Variants in STK3 observed in about 807,000 individuals in gnomAD.
STK3 encodes the protein serine/threonine-protein kinase 3.
STK3 carries 41 observed loss-of-function variants against 58.0 expected under a neutral mutation model. The observed-to-expected ratio is 0.71, with a 90% CI of 0.55 to 0.92. The LOEUF is 0.92. Among genes scored for constraint, STK3 ranks in the 40% least tolerant of loss-of-function variants. The pLI, the probability that STK3 is intolerant of heterozygous loss-of-function variation, is 0.00. For missense variants in STK3, 479 were observed against 602.7 expected (o/e 0.79, Z 2.15); for synonymous variants, 170 against 191.0 (o/e 0.89, Z 0.91).
intron 4 of STK3, among the ~76,000 whole-genome samples, chr8:98,734,589 T>C (rs1828434220): frequency 6.6e-6 from 1 of 152,238 alleles, no homozygotes; most frequent in African/African-American, 2.4e-5. Flanking sequence ...TATGTAAAGA[T>C]CATTTGGAAA....
chr8:98,904,982 G>A, intron 1 of STK3: 1 of 739,342 alleles, frequency 1.4e-6, no homozygotes, highest in Non-Finnish European at 2.5e-6. Context: ...CCTCGTAAGA[G>A]CAGACCCAGT....
At chr8:98,857,969 T>G (rs1165870323) in intron 3 of STK3, among the ~76,000 whole-genome samples, 1 of 152,164 alleles carries the variant, frequency 6.6e-6, no homozygotes, top group Non-Finnish European at 1.5e-5. Context: ...AACTGGGTGT[T>G]GAAAAATATG....
In STK3 at chr8:98,525,591, A is replaced by G. The variant is rs115691801; in HGVS notation, c.1317+1151T>C. 6.8e-3 allele frequency among the ~76,000 whole-genome samples: 1,042 copies of G among 152,264 alleles called. 13 individuals carry two copies. The highest frequency in any genetic ancestry group is 0.024 in the African/African-American group (1,003 of 41,556). The stretch of plus-strand genomic sequence containing the variant: ...AGATAGGTTAAAATGAAATCTTATT[A>G]GGACTAAAGATGTATTGATTTTATT... On this transcript the variant is annotated intron_variant, in intron 10 of 10. Transcript: ENST00000419617.
chr8:98,791,659 G>A (rs1232141103), intron 1 of STK3, among the ~76,000 whole-genome samples: 5 of 152,076 alleles, frequency 3.3e-5, no homozygotes, highest in African/African-American at 1.2e-4. Context: ...CCAGAAATAA[G>A]CCCAAATACT....
chr8:98,767,124 AAAAAAGAAAAG>A, intron 3 of STK3, 108 bp downstream of exon 3: 1 of 1,270,512 alleles, frequency 7.9e-7, no homozygotes, highest in Non-Finnish European at 1.0e-6. Context: ...CCTGTCTCAA[AAAAAAGAAAAG>A]AAAAAGAAAT....
At chr8:98,827,258 C>G (rs2131771880), upstream of STK3, among the ~76,000 whole-genome samples, 1 of 152,170 alleles carries the variant, frequency 6.6e-6, no homozygotes, top group South Asian at 2.1e-4. Context: ...CACTTGAACC[C>G]GGGAGGCAGA....
chr8:98,369,489 G>A (rs1817591472), downstream of STK3, among the ~76,000 whole-genome samples: 3 of 152,156 alleles, frequency 2.0e-5, no homozygotes, highest in Non-Finnish European at 4.4e-5. Context: ...AGAAGGCTAG[G>A]TGGTTTAGCA....
intron 10 of STK3, among the ~76,000 whole-genome samples, chr8:98,494,987 T>A (rs1823012395): frequency 6.6e-6 from 1 of 152,214 alleles, no homozygotes; most frequent in African/African-American, 2.4e-5. Context: ...ACACCAGCTT[T>A]CTAAAAGCTG....
chr8:98,580,905 TAAGA>T (rs905321637), intron 7 of STK3, among the ~76,000 whole-genome samples: 57 of 152,214 alleles, frequency 3.7e-4, no homozygotes, highest in African/African-American at 1.4e-3. Context: ...GGGACAACTA[TAAGA>T]AAGAACTTTT....
At chr8:98,564,468 G>A (rs1812309503) in intron 8 of STK3, among the ~76,000 whole-genome samples, 1 of 152,116 alleles carries the variant, frequency 6.6e-6, no homozygotes, top group Non-Finnish European at 1.5e-5. Flanking sequence ...GTTTCCAGAG[G>A]TAGGGGAGGC....
intron 4 of STK3, among the ~76,000 whole-genome samples, chr8:98,725,440 T>A (rs952110111): frequency 1.3e-5 from 2 of 152,146 alleles, no homozygotes; most frequent in African/African-American, 4.8e-5. Flanking sequence ...ATTTATATAA[T>A]TAAAAGGAAT....
chr8:98,406,960 G>C (rs746296264), intron 3 of STK3, among the ~76,000 whole-genome samples: 2 of 152,274 alleles, frequency 1.3e-5, no homozygotes, highest in South Asian at 2.1e-4. Flanking sequence ...CAGCCTTAGC[G>C]TCCCTGAGTT....
intron 8 of STK3, among the ~76,000 whole-genome samples, chr8:98,556,651 T>C (rs1312533648): frequency 6.6e-6 from 1 of 152,008 alleles, no homozygotes. Flanking sequence ...GAGCCCAGCA[T>C]AAGTTGCTTG....
chr8:98,598,246 C>T, intron 6 of STK3: 1 of 985,380 alleles, frequency 1.0e-6, no homozygotes. Context: ...GCAGTCTTAT[C>T]TTGAGATAAT....
chr8:98,624,711 G>A (rs924657061), intron 6 of STK3, among the ~76,000 whole-genome samples: 31 of 152,098 alleles, frequency 2.0e-4, no homozygotes, highest in African/African-American at 7.0e-4. Flanking sequence ...AAAATGAGCC[G>A]GGTATGGTGG....
At chr8:98,524,031 AT>A (rs1343593900) in intron 10 of STK3, among the ~76,000 whole-genome samples, 1 of 152,164 alleles carries the variant, frequency 6.6e-6, no homozygotes, top group East Asian at 1.9e-4. Flanking sequence ...ATTTTTGTAT[AT>A]GGTGTAAAGT....
At chr8:98,905,803 C>T (rs764036552) in intron 1 of STK3, 10 of 372,630 alleles carry the variant, frequency 2.7e-5, no homozygotes, top group Non-Finnish European at 5.1e-5. Context: ...GAGCAACGAA[C>T]GATTCACAAA....
chr8:98,538,312 T>C (rs1809955395), intron 9 of STK3, among the ~76,000 whole-genome samples: 1 of 152,242 alleles, frequency 6.6e-6, no homozygotes, highest in East Asian at 1.9e-4. Flanking sequence ...AGTTTTTTCC[T>C]GAACTTCACC....
At chr8:98,811,596 T>TAAA (rs567178137) in intron 1 of STK3, among the ~76,000 whole-genome samples, 1 of 140,522 alleles carries the variant, frequency 7.1e-6, no homozygotes. Context: ...TGAATACTGT[T>TAAA]AAAAAAAAAA....
Sources: gnomAD v4.1 joint callset for allele counts (sites outside exome capture counted in the v4.1 genomes callset) on GRCh38, gnomAD v4.1.1 for gene constraint, MANE v1.5 for transcripts, NCBI Gene and HGNC (gene_info 2026-07-23, HGNC 2026-07-21) for gene names.